Variants in SGCZ observed in about 807,000 individuals in gnomAD.
SGCZ encodes the protein sarcoglycan zeta, also known as zeta-sarcoglycan.
Under a neutral mutation model 41.3 loss-of-function variants are expected in SGCZ, and 40 were observed. The observed-to-expected ratio is 0.97, with a 90% CI of 0.75 to 1.26. The LOEUF is 1.26. Ranked by LOEUF, SGCZ falls within the 50% of genes most tolerant of loss-of-function variation. SGCZ has a pLI of 0.00. For synonymous variants in SGCZ, 206 were observed against 137.5 expected (o/e 1.50, Z -3.49); for missense variants, 552 against 369.8 (o/e 1.49, Z -4.04).
chr8:15,216,542 T>A (rs1286101128), intron 1 of SGCZ, among the ~76,000 whole-genome samples: 3 of 151,996 alleles, frequency 2.0e-5, no homozygotes, highest in Non-Finnish European at 4.4e-5. Flanking sequence ...CTAAAGGATG[T>A]TGGACGTAAC....
At chr8:15,021,438 A>G (rs1330228806) in intron 1 of SGCZ, among the ~76,000 whole-genome samples, 1 of 152,204 alleles carries the variant, frequency 6.6e-6, no homozygotes, top group Non-Finnish European at 1.5e-5. Context: ...TACATAGCAT[A>G]CAGATCAGAA....
rs548662073 is a variant in SGCZ, at chr8:15,023,104, G to C, written c.39+214481C>G. Among the ~76,000 whole-genome samples, 61 of 152,280 alleles carry C rather than the reference G, an allele frequency of 4.0e-4. 1 individual carries two copies. The South Asian group carries it at 0.012, about 31-fold the overall frequency. ...TAACTGTTATTTCTTCCTGCTGCCA[G>C]CTGTCATCATCTGTTTCTACTCTAT... On this transcript the variant is annotated intron_variant, in intron 1 of 7. Transcript: ENST00000382080.
At chr8:14,470,604 A>G (rs1801187577) in intron 2 of SGCZ, among the ~76,000 whole-genome samples, 1 of 152,116 alleles carries the variant, frequency 6.6e-6, no homozygotes, top group African/African-American at 2.4e-5. Flanking sequence ...ATTTTTATCC[A>G]TTTATTTTCT....
At chr8:14,768,234 C>T (rs1255743862) in intron 1 of SGCZ, among the ~76,000 whole-genome samples, 3 of 152,194 alleles carry the variant, frequency 2.0e-5, no homozygotes, top group South Asian at 2.1e-4. Flanking sequence ...AGTCTCCTAA[C>T]ATTCTCTAAA....
At chr8:14,354,459 A>T (rs1264961033) in intron 2 of SGCZ, among the ~76,000 whole-genome samples, 2 of 151,916 alleles carry the variant, frequency 1.3e-5, no homozygotes, top group Non-Finnish European at 2.9e-5. Flanking sequence ...TACAACAAAA[A>T]TTAGTACTCT....
At chr8:14,767,924 GAAC>G (rs138449523) in intron 1 of SGCZ, among the ~76,000 whole-genome samples, 1 of 152,248 alleles carries the variant, frequency 6.6e-6, no homozygotes, top group Non-Finnish European at 1.5e-5. Flanking sequence ...GGGAATAAAT[GAAC>G]AACAAAAATA....
chr8:14,772,967 G>A (rs1800295696), intron 1 of SGCZ, among the ~76,000 whole-genome samples: 2 of 152,024 alleles, frequency 1.3e-5, no homozygotes, highest in African/African-American at 4.8e-5. Context: ...TGGGTCAAAT[G>A]GCATCTCTAG....
intron 1 of SGCZ, among the ~76,000 whole-genome samples, chr8:15,144,683 C>T (rs1247893564): frequency 1.3e-5 from 2 of 152,098 alleles, no homozygotes; most frequent in Non-Finnish European, 2.9e-5. Context: ...CTCGAACTCC[C>T]GACCTCAGGT....
chr8:14,481,157 A>T (rs1231033296), intron 2 of SGCZ, among the ~76,000 whole-genome samples: 1 of 151,526 alleles, frequency 6.6e-6, no homozygotes, highest in Non-Finnish European at 1.5e-5. Context: ...TACACACATT[A>T]TACAAAATAT....
chr8:14,667,741 C>T (rs2117500685), intron 1 of SGCZ, among the ~76,000 whole-genome samples: 1 of 152,084 alleles, frequency 6.6e-6, no homozygotes, highest in East Asian at 1.9e-4. Context: ...ATTGTGTTGC[C>T]ATTTTAGAAT....
intron 2 of SGCZ, among the ~76,000 whole-genome samples, chr8:14,529,997 G>T (rs924944519): frequency 6.6e-6 from 1 of 152,152 alleles, no homozygotes; most frequent in African/African-American, 2.4e-5. Flanking sequence ...AATACACAAT[G>T]ACTGACTTTA....
chr8:14,704,518 A>G (rs573822399), intron 1 of SGCZ, among the ~76,000 whole-genome samples: 2 of 152,140 alleles, frequency 1.3e-5, no homozygotes, highest in Admixed American at 1.3e-4. Flanking sequence ...ACAGCTGAGA[A>G]AGGTGTGTTT....
chr8:14,767,226 C>T (rs747500585), intron 1 of SGCZ, among the ~76,000 whole-genome samples: 13 of 152,136 alleles, frequency 8.5e-5, no homozygotes, highest in Non-Finnish European at 1.6e-4. Flanking sequence ...CTTGCAGTAG[C>T]CTACTTTTCC....
intron 3 of SGCZ, 108 bp downstream of exon 3, chr8:14,323,995 G>A: frequency 1.5e-6 from 1 of 668,190 alleles, no homozygotes; most frequent in Non-Finnish European, 2.5e-6. Flanking sequence ...TTAGCTTAAG[G>A]AAACTAAACA....
intron 5 of SGCZ, among the ~76,000 whole-genome samples, chr8:14,153,005 T>C (rs1803756659): frequency 6.6e-6 from 1 of 151,842 alleles, no homozygotes; most frequent in Non-Finnish European, 1.5e-5. Flanking sequence ...AAATAAGTGA[T>C]TGTCGGGGGT....
chr8:14,608,445 G>A (rs1426528229), intron 1 of SGCZ, among the ~76,000 whole-genome samples: 1 of 149,786 alleles, frequency 6.7e-6, no homozygotes, highest in Non-Finnish European at 1.5e-5. Flanking sequence ...CAAAGGGGCG[G>A]GGAGGCGGGG....
rs140326262 is a variant in SGCZ at position 14,775,786 on chromosome 8, T to G, written c.40-220860A>C. Among the ~76,000 whole-genome samples, 73 of 152,300 alleles carry G rather than the reference T, an allele frequency of 4.8e-4. 1 individual carries two copies. In the East Asian group the frequency reaches 0.01, roughly 22 times the overall value. On this transcript the variant is annotated intron_variant, in intron 1 of 7. Transcript: ENST00000382080. ...TAAAAATTTTGAAATCAGAATTGGTTATTGAGTTTTATTTGGATTGATATG... is the reference window on the plus strand; with the variant it reads ...TAAAAATTTTGAAATCAGAATTGGTGATTGAGTTTTATTTGGATTGATATG...
chr8:14,259,129 A>G (rs1352792510), intron 3 of SGCZ, among the ~76,000 whole-genome samples: 2 of 152,216 alleles, frequency 1.3e-5, no homozygotes, highest in Non-Finnish European at 2.9e-5. Flanking sequence ...TTGTAATACT[A>G]TATTTTGTAA....
chr8:15,208,704 A>G (rs1036224323), intron 1 of SGCZ, among the ~76,000 whole-genome samples: 8 of 152,122 alleles, frequency 5.3e-5, no homozygotes, highest in African/African-American at 1.9e-4. Context: ...TCACATAGCT[A>G]TGACAGTATT....
Sources: gnomAD v4.1 joint callset for allele counts (sites outside exome capture counted in the v4.1 genomes callset) on GRCh38, gnomAD v4.1.1 for gene constraint, MANE v1.5 for transcripts, NCBI Gene and HGNC (gene_info 2026-07-23, HGNC 2026-07-21) for gene names.